The following ATP4A variants were observed in gnomAD, a reference collection of about 807,000 sequenced individuals.
ATP4A encodes the protein ATPase H+/K+ transporting subunit alpha, also known as potassium-transporting ATPase alpha chain 1.
ATP4A carries 73 observed loss-of-function variants against 112.1 expected under a neutral mutation model. The ratio of observed to expected loss-of-function variants is 0.65; its 90% CI spans 0.54 to 0.79. The LOEUF (loss-of-function observed/expected upper bound fraction) is 0.79. ATP4A is among the 30% of genes least tolerant of loss of function. The pLI, the probability that ATP4A is intolerant of heterozygous loss-of-function variation, is 0.00. For missense variants in ATP4A, 1,081 were observed against 1,425.9 expected (o/e 0.76, Z 3.90); for synonymous variants, 588 against 588.9 (o/e 1.00, Z 0.02).
Position 35,557,109 on chromosome 19 carries a change from C to T in ATP4A, c.1694-21G>A. 1 of 1,613,682 alleles carries T rather than the reference C, an allele frequency of 6.2e-7. No homozygotes were observed. The highest frequency in any genetic ancestry group is 8.5e-7 in the Non-Finnish European group (1 of 1,179,838). On this transcript the variant is annotated intron_variant, in intron 11 of 21. Coordinates refer to ENST00000262623, the MANE Select transcript of ATP4A (RefSeq NM_000704.3). The surrounding 1 kb of genome is among the most constrained non-coding windows in gnomAD (Gnocchi z 4.4). ...GAAGCCTGACCGGAAACGGGGAAGT[C>T]AGGGAAGAGCCCTGGGCACACCCTT...
rs2071599777 is a variant in ATP4A, at chr19:35,551,181, C to G, written c.2886-70G>C. 6.9e-7 allele frequency: 1 copy of G among 1,457,844 alleles called. No individual in the cohort carries two copies. The highest frequency in any genetic ancestry group is 1.2e-5 in the South Asian group (1 of 81,626). 90.3% of individuals were successfully genotyped at this position (1,457,844 alleles called of 1,614,324 possible). A position where few individuals can be genotyped will look rare whatever the true frequency, so the allele number is the denominator to read the frequency against. On this transcript the variant is annotated intron_variant, in intron 19 of 21. Coordinates refer to ENST00000262623, the MANE Select transcript of ATP4A (RefSeq NM_000704.3). This position sits in a 1 kb window ranked among gnomAD's most constrained non-coding sequence, Gnocchi z 5.2. ...TGATGGAAATCAGGATACTGTGGGT[C>G]AAAGTAGGTCAGATGTCAGCAGCAG...
intron 16 of ATP4A, among the ~76,000 whole-genome samples, chr19:35,554,587 G>A (rs927063889): frequency 5.9e-5 from 9 of 152,172 alleles, no homozygotes; most frequent in Non-Finnish European, 1.0e-4. Context: ...TTATTTGTCC[G>A]TGTCTGTTTA....
At chr19:35,562,711 G>C (rs2071678907) in intron 3 of ATP4A, 73 bp from the exon 4 acceptor site, 1 of 1,445,080 alleles carries the variant, frequency 6.9e-7, no homozygotes, top group Non-Finnish European at 9.3e-7. Context: ...AAAGCCCCCT[G>C]CTTCAGTTTC....
At position 35,560,890 on chromosome 19, in the gene ATP4A, C is replaced by T. The variant is rs761170671; in HGVS notation, c.463G>A (p.Gly155Ser). The change falls in exon 5 of 22, where the codon GGC becomes AGC. Residue 155 changes from glycine to serine, a missense_variant. By Grantham distance (56) the Gly-to-Ser change is moderately conservative (BLOSUM62 0). Coordinates refer to ENST00000262623, the MANE Select transcript of ATP4A (RefSeq NM_000704.3). The surrounding 1 kb of genome is among the most constrained non-coding windows in gnomAD (Gnocchi z 5.1). ...IALIAVVVVT[G>S]CFGYYQEFKS... ...AATTCCTGGTAGTAGCCAAAGCAGCCGGTGACGACAACCACAGCAATGAGA... is the reference window on the plus strand; with the variant it reads ...AATTCCTGGTAGTAGCCAAAGCAGCTGGTGACGACAACCACAGCAATGAGA... 10 of 1,613,676 alleles carry T rather than the reference C, an allele frequency of 6.2e-6. No homozygotes were observed. Among genetic ancestry groups the T allele is most frequent in the South Asian group, 1.1e-5 (1 of 91,068 alleles).
rs530534737 is a variant in ATP4A at position 35,558,521 on chromosome 19, G to A, written c.1366-25C>T. On this transcript the variant is annotated intron_variant, in intron 9 of 21. Coordinates refer to ENST00000262623, the MANE Select transcript of ATP4A (RefSeq NM_000704.3). The surrounding 1 kb of genome is among the most constrained non-coding windows in gnomAD (Gnocchi z 5.1). ...GCTGGGAGCGGGGACCGGTGTCAGG[G>A]GCGAAGCCGGCTACACCAGCCTCCC... The A allele has an allele frequency of 5.0e-6, 8 of 1,588,912 alleles. No homozygotes were observed. The African/African-American group carries it at 1.1e-4, about 21-fold the overall frequency.
Position 35,560,668 on chromosome 19 carries a change from G to A in ATP4A, c.535-53C>T. The A allele has an allele frequency of 6.3e-7, 1 of 1,587,744 alleles. No homozygotes were observed. The highest frequency in any genetic ancestry group is 8.6e-7 in the Non-Finnish European group (1 of 1,163,506). ...GTGGACGGGGGTGGGGGTGGGAGCT[G>A]CTGCATGTGGGGAGGTAAAGGATGA... is the stretch of plus-strand genomic sequence containing the variant. On this transcript the variant is annotated intron_variant, in intron 5 of 21. Coordinates refer to ENST00000262623, the MANE Select transcript of ATP4A (RefSeq NM_000704.3). The surrounding 1 kb of genome is among the most constrained non-coding windows in gnomAD (Gnocchi z 5.1).
Position 35,562,481 on chromosome 19 carries a change from G to A in ATP4A, c.374C>T (p.Ala125Val), listed in dbSNP as rs772073351. 6.2e-7 allele frequency: 1 copy of A among 1,614,166 alleles called. No homozygotes were observed. The highest frequency in any genetic ancestry group is 1.1e-5 in the South Asian group (1 of 91,078). ...CCCCTCACTAGCCTGGATGGCAAAG[G>A]CGATGAGGCAGATGGCGGCGGCAAC... is the stretch of plus-strand genomic sequence containing the variant. The part of the protein sequence containing the change: ...MWVAAAICLI[A>V]FAIQASEGDL... The change falls in exon 4 of 22, where the codon GCC (alanine) becomes GTC (valine). Residue 125 changes from alanine (A) to valine (V), a missense_variant. Physicochemically the swap from Ala to Val is moderately conservative, Grantham distance 64 (BLOSUM62 0). Transcript: ENST00000262623.
Position 35,557,233 on chromosome 19 carries a change from G to T in ATP4A, c.1694-145C>A. Reference sequence around the variant, plus strand: ...GCTGACCCCTTCACTCACATTATCTGAATCTACCCTCACAACCACCCTGTG... The same window carrying T: ...GCTGACCCCTTCACTCACATTATCTTAATCTACCCTCACAACCACCCTGTG... On this transcript the variant is annotated intron_variant, in intron 11 of 21. Coordinates refer to ENST00000262623, the MANE Select transcript of ATP4A (RefSeq NM_000704.3). This position sits in a 1 kb window ranked among gnomAD's most constrained non-coding sequence, Gnocchi z 4.4. 1 of 927,488 alleles carries T rather than the reference G, an allele frequency of 1.1e-6. No individual in the cohort carries two copies. Among genetic ancestry groups the T allele is most frequent in the Non-Finnish European group, 1.6e-6 (1 of 622,288 alleles). 57.5% of individuals were successfully genotyped at this position (927,488 alleles called of 1,614,324 possible). A position where few individuals can be genotyped will look rare whatever the true frequency, so the allele number is the denominator to read the frequency against.
chr19:35,560,340 AG>A lies in ATP4A; in HGVS notation c.787+22del. 2 of 1,610,942 alleles carry A rather than the reference AG, an allele frequency of 1.2e-6. No homozygotes were observed. The highest frequency in any genetic ancestry group is 1.7e-6 in the Non-Finnish European group (2 of 1,178,100). Reference sequence around the variant, plus strand: ...CCAGTGGAGGCAGCAGTTACTGGGCAGGCAGGCGGGGGCTTCACAGACCCTC... The same window carrying A: ...CCAGTGGAGGCAGCAGTTACTGGGCAGCAGGCGGGGGCTTCACAGACCCTC... On this transcript the variant is annotated intron_variant, in intron 6 of 21. Transcript: ENST00000262623. The surrounding 1 kb of genome is among the most constrained non-coding windows in gnomAD (Gnocchi z 5.1).
rs199688156 is a variant in ATP4A at position 35,554,044 on chromosome 19, C to T, written c.2482-215G>A. ...GTGCCCATCTTCGTAAGAACATCTG[C>T]TTTTATCTTCTCCCTCTGTCTCCCT... On this transcript the variant is annotated intron_variant, in intron 16 of 21. Transcript: ENST00000262623. Among the ~76,000 whole-genome samples, 40 of 152,332 alleles carry T rather than the reference C, an allele frequency of 2.6e-4. No homozygotes were observed. In the East Asian group the frequency reaches 7.3e-3, roughly 28 times the overall value.
Position 35,554,910 on chromosome 19 carries a change from C to G in ATP4A, c.2481+12G>C. The G allele has an allele frequency of 1.2e-6, 2 of 1,613,990 alleles. No individual in the cohort carries two copies. Among genetic ancestry groups the G allele is most frequent in the Non-Finnish European group, 1.7e-6 (2 of 1,180,004 alleles). ...GCACCCTGTGGATGGGTACCCTGGG[C>G]TGTGGACTTACAATGTCAGTGCAGA... On this transcript the variant is annotated intron_variant, in intron 16 of 21. Coordinates refer to ENST00000262623, the MANE Select transcript of ATP4A (RefSeq NM_000704.3).
chr19:35,556,411 T>G (rs2071631833), intron 12 of ATP4A, among the ~76,000 whole-genome samples: 1 of 152,202 alleles, frequency 6.6e-6, no homozygotes, highest in Non-Finnish European at 1.5e-5. Context: ...CCTTGTTTTG[T>G]GTTTGGGGAA....
In ATP4A at chr19:35,559,940, C is replaced by G. The variant is rs371925816; in HGVS notation, c.921G>C (p.Ala307=). The G allele has an allele frequency of 5.7e-5, 92 of 1,614,082 alleles. No individual in the cohort carries two copies. The highest frequency in any genetic ancestry group is 5.9e-5 in the Non-Finnish European group (70 of 1,180,042). ...IEIEHFVDII[A]GLAILFGATF... is the part of the protein sequence containing the mutation. ...TGGCACCGAAGAGAATGGCCAGGCC[C>G]GCGATGATGTCCACAAAATGCTCGA... Residue 307 remains alanine, a synonymous_variant, in exon 7 of 22, where the codon GCG becomes GCC. Coordinates refer to ENST00000262623, the MANE Select transcript of ATP4A (RefSeq NM_000704.3). The surrounding 1 kb of genome is among the most constrained non-coding windows in gnomAD (Gnocchi z 4.1).
In ATP4A at chr19:35,551,169, G is replaced by C. The variant is rs2071599698; in HGVS notation, c.2886-58C>G. On this transcript the variant is annotated intron_variant, in intron 19 of 21. Coordinates refer to ENST00000262623, the MANE Select transcript of ATP4A (RefSeq NM_000704.3). This position sits in a 1 kb window ranked among gnomAD's most constrained non-coding sequence, Gnocchi z 5.2. ...GAATTGGGGACGTGATGGAAATCAG[G>C]ATACTGTGGGTCAAAGTAGGTCAGA... The C allele has an allele frequency of 1.3e-6, 2 of 1,510,128 alleles. No homozygotes were observed. Among genetic ancestry groups the C allele is most frequent in the Non-Finnish European group, 1.8e-6 (2 of 1,107,694 alleles). The allele number at this position is 1,510,128 out of a possible 1,614,324, so 93.5% of individuals were successfully genotyped here.
chr19:35,551,434 C>T lies in ATP4A; in HGVS notation c.2885+13G>A, dbSNP rs1258615676. Reference sequence around the variant, plus strand: ...AGGGGTTGGAGGGCAGGAAGAGGGCCAGCCAGGGACACCTGAAGAAGCCTT... The same window carrying T: ...AGGGGTTGGAGGGCAGGAAGAGGGCTAGCCAGGGACACCTGAAGAAGCCTT... On this transcript the variant is annotated intron_variant, in intron 19 of 21. Coordinates refer to ENST00000262623, the MANE Select transcript of ATP4A (RefSeq NM_000704.3). The surrounding 1 kb of genome is among the most constrained non-coding windows in gnomAD (Gnocchi z 5.2). 7 of 1,613,808 alleles carry T rather than the reference C, an allele frequency of 4.3e-6. No homozygotes were observed. Among genetic ancestry groups the T allele is most frequent in the Admixed American group, 1.7e-5 (1 of 60,006 alleles).
chr19:35,561,023 T>C, intron 4 of ATP4A, 91 bp from the exon 5 acceptor site: 1 of 1,102,840 alleles, frequency 9.1e-7, no homozygotes, highest in Non-Finnish European at 1.4e-6. Context: ...CTGGTTTTCT[T>C]GGTTTTCCCC....
At position 35,555,357 on chromosome 19, in the gene ATP4A, G is replaced by T; in HGVS notation, c.2158-23C>A. The T allele has an allele frequency of 6.2e-7, 1 of 1,606,224 alleles. No individual in the cohort carries two copies. The highest frequency in any genetic ancestry group is 2.2e-5 in the East Asian group (1 of 44,752). On this transcript the variant is annotated intron_variant, in intron 14 of 21. Transcript: ENST00000262623. This position sits in a 1 kb window ranked among gnomAD's most constrained non-coding sequence, Gnocchi z 6.6. ...ACCCTGCAGGCAGTGGGTGCAGGTG[G>T]TGGGTGGGTGGTCAGTGAGAGGCCG...
chr19:35,558,124 GAGCGAGGTGCTCCCCATGGAC>G lies in ATP4A; in HGVS notation c.1500+217_1500+237del. ...GAGTTGGGCTGGGGGCGGATTTGGAGAGCGAGGTGCTCCCCATGGACAGTCCCGCCGAGGAGAAGCTGTGGG... is the reference window on the plus strand; with the variant it reads ...GAGTTGGGCTGGGGGCGGATTTGGAGAGTCCCGCCGAGGAGAAGCTGTGGG... On this transcript the variant is annotated intron_variant, in intron 10 of 21. Transcript: ENST00000262623. This position sits in a 1 kb window ranked among gnomAD's most constrained non-coding sequence, Gnocchi z 5.1. The G allele has an allele frequency of 3.1e-6, 2 of 640,760 alleles. No homozygotes were observed. The highest frequency in any genetic ancestry group is 4.0e-5 in the South Asian group (2 of 49,768). The allele number at this position is 640,760 out of a possible 1,614,324, so 39.7% of individuals were successfully genotyped here.
rs1196651035 is a variant in ATP4A, at chr19:35,558,089, T to G, written c.1501-242A>C. 1.6e-5 allele frequency: 10 copies of G among 610,402 alleles called. No homozygotes were observed. Among genetic ancestry groups the G allele is most frequent in the Non-Finnish European group, 2.8e-5 (10 of 352,490 alleles). 37.8% of individuals were successfully genotyped at this position (610,402 alleles called of 1,614,324 possible). On this transcript the variant is annotated intron_variant, in intron 10 of 21. Coordinates refer to ENST00000262623, the MANE Select transcript of ATP4A (RefSeq NM_000704.3). The surrounding 1 kb of genome is among the most constrained non-coding windows in gnomAD (Gnocchi z 5.1). ...TCCTGGACGCAGGGAATGAACAGAA[T>G]TAGGGTGCGGAGTTGGGCTGGGGGC...
Sources: gnomAD v4.1 joint callset for allele counts (sites outside exome capture counted in the v4.1 genomes callset) on GRCh38, gnomAD v4.1.1 for gene constraint, Gnocchi (gnomAD v3.1) non-coding constraint, MANE v1.5 for transcripts, NCBI Gene and HGNC (gene_info 2026-07-23, HGNC 2026-07-21) for gene names.